Variants in SMARCC1 observed in about 807,000 individuals in gnomAD.
SMARCC1 encodes SWI/SNF complex subunit SMARCC1.
A neutral mutation model predicts 147.4 loss-of-function variants in SMARCC1; 43 were observed. The ratio of observed to expected loss-of-function variants is 0.29; its 90% CI spans 0.23 to 0.38. SMARCC1 has a LOEUF of 0.38. Ranked by LOEUF, SMARCC1 falls within the 10% of genes least tolerant of loss-of-function variation. SMARCC1 has a pLI of 1.00. For synonymous variants in SMARCC1, 495 were observed against 484.4 expected, an observed-to-expected ratio of 1.02 and a Z score of -0.29; for missense variants, 1,119 against 1,381.1, an observed-to-expected ratio of 0.81 and a Z score of 3.01.
At chr3:47,635,906 A>T (rs554639893) in intron 23 of SMARCC1, 116 bp downstream of exon 23, 5 of 614,644 alleles carry the variant, frequency 8.1e-6, no homozygotes, top group East Asian at 5.4e-5. Context: ...ACTTATTGTT[A>T]CATTAAGAAA....
chr3:47,757,044 A>G (rs1353586675), intron 2 of SMARCC1, among the ~76,000 whole-genome samples: 2 of 152,030 alleles, frequency 1.3e-5, no homozygotes, highest in Non-Finnish European at 2.9e-5. Context: ...TGAGCCCAGG[A>G]GTTTGAGATC....
chr3:47,758,547 A>C (rs1049397870), intron 2 of SMARCC1, among the ~76,000 whole-genome samples: 1 of 152,038 alleles, frequency 6.6e-6, no homozygotes, highest in African/African-American at 2.4e-5. Context: ...ATCAAAATTA[A>C]AGTTTTACCA....
At chr3:47,632,975 A>C (rs935217248) in intron 24 of SMARCC1, among the ~76,000 whole-genome samples, 6 of 152,130 alleles carry the variant, frequency 3.9e-5, no homozygotes, top group African/African-American at 9.7e-5. Context: ...GTTAAAAAAA[A>C]AAAAAAGGAG....
intron 12 of SMARCC1, among the ~76,000 whole-genome samples, chr3:47,692,987 C>A (rs1473016899): frequency 2.0e-5 from 3 of 151,554 alleles, no homozygotes; most frequent in Non-Finnish European, 4.4e-5. Context: ...GAGTGAGATT[C>A]CGTCTTAAAA....
At chr3:47,675,354 G>GT in intron 18 of SMARCC1, 121 bp downstream of exon 18, 1 of 539,722 alleles carries the variant, frequency 1.9e-6, no homozygotes, top group East Asian at 3.2e-5. Flanking sequence ...AATATAAAAG[G>GT]TAAGATAAAT....
At chr3:47,714,798 C>T (rs146725497) in intron 7 of SMARCC1, among the ~76,000 whole-genome samples, 2 of 151,908 alleles carry the variant, frequency 1.3e-5, no homozygotes, top group Non-Finnish European at 2.9e-5. Context: ...TATCTCGAAA[C>T]AAAACAAAAC....
chr3:47,660,755 A>C (rs949374256), intron 21 of SMARCC1, among the ~76,000 whole-genome samples: 4 of 152,224 alleles, frequency 2.6e-5, no homozygotes, highest in African/African-American at 9.6e-5. Context: ...CCACTTAATA[A>C]GTATGTGACT....
At chr3:47,626,800 G>C (rs574386398) in intron 24 of SMARCC1, among the ~76,000 whole-genome samples, 1 of 152,082 alleles carries the variant, frequency 6.6e-6, no homozygotes, top group Non-Finnish European at 1.5e-5. Context: ...CTGTTTCTTG[G>C]AATGTTCTCT....
In SMARCC1 at chr3:47,682,702, T is replaced by C. The variant is rs547091564; in HGVS notation, c.1386-2194A>G. The stretch of plus-strand genomic sequence containing the variant: ...TTAAAACAGCAAAAATATATAAAGA[T>C]AGAATATGTTTTTTAAAAGTAATTT... On this transcript the variant is annotated intron_variant, in intron 14 of 27. Coordinates refer to ENST00000254480, the MANE Select transcript of SMARCC1 (RefSeq NM_003074.4). Among the ~76,000 whole-genome samples the C allele has an allele frequency of 5.3e-5, 8 of 152,338 alleles. 1 individual carries two copies. Among genetic ancestry groups the C allele is most frequent in the African/African-American group, 1.7e-4 (7 of 41,588 alleles).
intron 14 of SMARCC1, among the ~76,000 whole-genome samples, chr3:47,681,825 C>G (rs2033647824): frequency 6.6e-6 from 1 of 151,966 alleles, no homozygotes; most frequent in African/African-American, 2.4e-5. Context: ...CCGTAAGGAA[C>G]TAATTACATA....
At chr3:47,662,705 A>G (rs1172994568) in intron 19 of SMARCC1, 113 bp from the exon 20 acceptor site, 3 of 809,572 alleles carry the variant, frequency 3.7e-6, no homozygotes, top group Non-Finnish European at 4.0e-6. Flanking sequence ...ATTTATGCAT[A>G]AATAGAAAGA....
chr3:47,739,981 A>G (rs1046194077), intron 3 of SMARCC1, among the ~76,000 whole-genome samples: 3 of 151,912 alleles, frequency 2.0e-5, no homozygotes, highest in Admixed American at 6.6e-5. Flanking sequence ...GATTCAAGCG[A>G]TTCTCCTGCC....
intron 21 of SMARCC1, among the ~76,000 whole-genome samples, chr3:47,647,751 A>C (rs924667763): frequency 1.3e-5 from 2 of 152,204 alleles, no homozygotes. Context: ...TTTAACTGCA[A>C]GGTTCCATAA....
chr3:47,716,397 G>A (rs927966894), intron 7 of SMARCC1, among the ~76,000 whole-genome samples: 2 of 123,558 alleles, frequency 1.6e-5, no homozygotes, highest in Non-Finnish European at 3.2e-5. Flanking sequence ...CAGCCTGGGT[G>A]AGAGTGAGAC....
rs1417092594 is a variant in SMARCC1 at position 47,772,886 on chromosome 3, C to T, written c.246G>A (p.Val82=). 5.6e-6 allele frequency: 9 copies of T among 1,613,340 alleles called. No homozygotes were observed. Among genetic ancestry groups the T allele is most frequent in the Non-Finnish European group, 7.6e-6 (9 of 1,179,568 alleles). The part of the protein sequence containing the change: ...PTNKTLAGLV[V]QLLQFQEDAF... ...CATCTTCCTGGAACTGAAGAAGCTGCACCACCAGCCCAGCCAGTGTTTTAT... is the reference window on the plus strand; with the variant it reads ...CATCTTCCTGGAACTGAAGAAGCTGTACCACCAGCCCAGCCAGTGTTTTAT... The change falls in exon 2 of 28, where the codon GTG becomes GTA. Residue 82 remains valine, a synonymous_variant. Coordinates refer to ENST00000254480, the MANE Select transcript of SMARCC1 (RefSeq NM_003074.4).
chr3:47,622,881 A>G (rs1193443006), intron 24 of SMARCC1, among the ~76,000 whole-genome samples: 2 of 152,162 alleles, frequency 1.3e-5, no homozygotes, highest in Admixed American at 1.3e-4. Context: ...ACAGTACTAA[A>G]CAGAAAGGTA....
Position 47,712,817 on chromosome 3 carries a change from A to G in SMARCC1, c.792+1598T>C, listed in dbSNP as rs559816833. On this transcript the variant is annotated intron_variant, in intron 8 of 27. Transcript: ENST00000254480. ...ATGTGTCCTTGGGTAAAACTACTTA[A>G]CTTGTGGAGCCTAGTTTCCTTCCTA... Among the ~76,000 whole-genome samples, 3 of 152,272 alleles carry G rather than the reference A, an allele frequency of 2.0e-5. No individual in the cohort carries two copies. In the South Asian group the frequency reaches 6.2e-4, roughly 32 times the overall value.
intron 5 of SMARCC1, among the ~76,000 whole-genome samples, chr3:47,729,820 TCA>T (rs1227517445): frequency 5.3e-5 from 8 of 152,214 alleles, no homozygotes; most frequent in African/African-American, 1.9e-4. Flanking sequence ...ATCGTCAAGT[TCA>T]GTTTCAGACC....
Position 47,641,440 on chromosome 3 carries a change from T to C in SMARCC1, c.2321-2660A>G, listed in dbSNP as rs763768322. 3.9e-5 allele frequency among the ~76,000 whole-genome samples: 6 copies of C among 152,216 alleles called. No individual in the cohort carries two copies. The South Asian group carries it at 1.2e-3, about 32-fold the overall frequency. On this transcript the variant is annotated intron_variant, in intron 21 of 27. Coordinates refer to ENST00000254480, the MANE Select transcript of SMARCC1 (RefSeq NM_003074.4). ...GTCAAGACTGAAGTGAGCTGAGACCTTGCCACTGCACTCCAGCCTGGATGA... is the reference window on the plus strand; with the variant it reads ...GTCAAGACTGAAGTGAGCTGAGACCCTGCCACTGCACTCCAGCCTGGATGA...
Sources: gnomAD v4.1 joint callset for allele counts (sites outside exome capture counted in the v4.1 genomes callset) on GRCh38, gnomAD v4.1.1 for gene constraint, MANE v1.5 for transcripts, NCBI Gene and HGNC (gene_info 2026-07-23, HGNC 2026-07-21) for gene names.